Variants in CD200R1L observed in about 807,000 individuals in gnomAD.
CD200R1L encodes cell surface glycoprotein CD200 receptor 2.
A neutral mutation model predicts 24.8 loss-of-function variants in CD200R1L; 14 were observed. That is an observed-to-expected ratio of 0.56 (90% CI 0.37 to 0.88). The LOEUF (loss-of-function observed/expected upper bound fraction) is 0.88. Among genes scored for constraint, CD200R1L ranks in the 40% least tolerant of loss-of-function variants. The pLI is 0.00. For missense variants in CD200R1L, 299 were observed against 297.8 expected (o/e 1.00, Z -0.03); for synonymous variants, 111 against 109.2 (o/e 1.02, Z -0.11).
At chr3:112,834,577 T>C (rs1209485867) in intron 3 of CD200R1L, among the ~76,000 whole-genome samples, 1 of 152,174 alleles carries the variant, frequency 6.6e-6, no homozygotes, top group African/African-American at 2.4e-5. Context: ...TGCTATGGGA[T>C]CTTTGGGATG....
At chr3:112,839,879 T>C (rs958231933) in intron 2 of CD200R1L, among the ~76,000 whole-genome samples, 1 of 152,162 alleles carries the variant, frequency 6.6e-6, no homozygotes, top group Admixed American at 6.5e-5. Context: ...AAAAGACACT[T>C]TCTATTCTCC....
rs781616615 is a variant in CD200R1L, at chr3:112,827,214, C to T, written c.395G>A (p.Ser132Asn). 5 of 1,612,444 alleles carry T rather than the reference C, an allele frequency of 3.1e-6. No individual in the cohort carries two copies. In the East Asian group the frequency reaches 1.1e-4, roughly 36 times the overall value. ...LVTPEVNLFQ[S>N]RNITAVCKAV... is the part of the protein sequence containing the mutation. ...CTTGCATACTGCAGTTATATTCCTG[C>T]TTTGAAATAGGTTCACTTCGGGTGT... The change falls in exon 6 of 8, where the codon AGC becomes AAC. Residue 132 changes from serine (S) to asparagine (N), a missense_variant. By Grantham distance (46) the Ser-to-Asn change is conservative. Transcript: ENST00000488794.
At chr3:112,830,797 G>A (rs923121635) in intron 3 of CD200R1L, among the ~76,000 whole-genome samples, 18 of 151,902 alleles carry the variant, frequency 1.2e-4, no homozygotes, top group Non-Finnish European at 2.4e-4. Flanking sequence ...CACCCTGGAT[G>A]TAAAAAAGTG....
chr3:112,827,407 A>G lies in CD200R1L; in HGVS notation c.327T>C (p.Pro109=), dbSNP rs973487014. Reference sequence around the variant, plus strand: ...GATATCCACGATGGAAATTCCCATCAGGTGTTACCACTATGCCTCTGTAAT... The same window carrying G: ...GATATCCACGATGGAAATTCCCATCGGGTGTTACCACTATGCCTCTGTAAT... ...DGYYRGIVVT[P]DGNFHRGYHL... Residue 109 remains proline, a synonymous_variant, in exon 5 of 8, where the codon CCT becomes CCC. Coordinates refer to ENST00000488794, the MANE Select transcript of CD200R1L (RefSeq NM_001199215.3). 2 of 1,614,024 alleles carry G rather than the reference A, an allele frequency of 1.2e-6. No individual in the cohort carries two copies. Among genetic ancestry groups the G allele is most frequent in the African/African-American group, 2.7e-5 (2 of 74,938 alleles).
chr3:112,841,317 GCCT>G (rs1222647816), intron 2 of CD200R1L: 4 of 446,870 alleles, frequency 9.0e-6, no homozygotes, highest in African/African-American at 8.0e-5. Flanking sequence ...GTTTTTTGAG[GCCT>G]CCTCAGCCAT....
At chr3:112,820,576 A>C (rs1433052546) in intron 6 of CD200R1L, among the ~76,000 whole-genome samples, 5 of 151,940 alleles carry the variant, frequency 3.3e-5, no homozygotes, top group African/African-American at 4.8e-5. Context: ...GATTACAGGC[A>C]TGCACCACCA....
At position 112,815,716 on chromosome 3, in the gene CD200R1L, T is replaced by C. The variant is rs1448739785; in HGVS notation, c.*247A>G. On this transcript the variant is annotated 3_prime_UTR_variant, in exon 8 of 8. Coordinates refer to ENST00000488794, the MANE Select transcript of CD200R1L (RefSeq NM_001199215.3). ...AGTAAAACCAAAAATAACACTGGCA[T>C]GAACAAAATTTTATTCACTCTAACA... 2.1e-6 allele frequency: 1 copy of C among 467,416 alleles called. No homozygotes were observed. The highest frequency in any genetic ancestry group is 3.3e-5 in the East Asian group (1 of 30,320). The allele number at this position is 467,416 out of a possible 1,614,324, so 29.0% of individuals were successfully genotyped here.
chr3:112,836,959 T>G (rs1189920370), intron 3 of CD200R1L, among the ~76,000 whole-genome samples: 1 of 152,230 alleles, frequency 6.6e-6, no homozygotes, highest in Non-Finnish European at 1.5e-5. Flanking sequence ...ACATAAAAAT[T>G]ATCTGTTCCT....
chr3:112,843,304 A>G (rs1001696407), intron 2 of CD200R1L, among the ~76,000 whole-genome samples: 2 of 152,192 alleles, frequency 1.3e-5, no homozygotes, highest in Non-Finnish European at 2.9e-5. Flanking sequence ...AAAATCTTAA[A>G]AACAGCTGGA....
intron 3 of CD200R1L, among the ~76,000 whole-genome samples, chr3:112,835,014 T>C (rs1318527926): frequency 6.6e-6 from 1 of 152,194 alleles, no homozygotes; most frequent in Non-Finnish European, 1.5e-5. Flanking sequence ...GCCACAGCTC[T>C]TCTCTCCTTC....
chr3:112,846,202 C>T lies in CD200R1L; in HGVS notation c.-358-252G>A, dbSNP rs548569226. 2.0e-5 allele frequency among the ~76,000 whole-genome samples: 3 copies of T among 152,208 alleles called. No homozygotes were observed. The South Asian group carries it at 6.2e-4, about 32-fold the overall frequency. On this transcript the variant is annotated intron_variant, in intron 1 of 7. Coordinates refer to ENST00000488794, the MANE Select transcript of CD200R1L (RefSeq NM_001199215.3). ...AAAGTGTCCTTTGTTCCAAAGTGTC[C>T]TTTGTTCCTTCTCTGCTGATATCAT...
chr3:112,826,887 A>G, intron 6 of CD200R1L, 106 bp downstream of exon 6: 2 of 1,293,110 alleles, frequency 1.5e-6, no homozygotes, highest in Admixed American at 2.4e-5. Context: ...AATATTTTCA[A>G]GCTAGGAGCT....
At chr3:112,826,842 A>G (rs1347787643) in intron 6 of CD200R1L, 151 bp downstream of exon 6, 1 of 852,164 alleles carries the variant, frequency 1.2e-6, no homozygotes, top group Non-Finnish European at 1.7e-6. Context: ...TAAAAGACAG[A>G]TTCTAGCGTT....
intron 6 of CD200R1L, among the ~76,000 whole-genome samples, chr3:112,825,624 T>C (rs1938639409): frequency 6.6e-6 from 1 of 151,924 alleles, no homozygotes; most frequent in South Asian, 2.1e-4. Context: ...GCTCCTCTTT[T>C]AAAAAAATTC....
At chr3:112,838,442 C>G (rs1939007869) in intron 2 of CD200R1L, among the ~76,000 whole-genome samples, 1 of 150,122 alleles carries the variant, frequency 6.7e-6, no homozygotes, top group Non-Finnish European at 1.5e-5. Context: ...AGAACAATGC[C>G]TGTTTCAAAT....
In CD200R1L at chr3:112,827,361, C is replaced by G. The variant is rs919330203; in HGVS notation, c.367+6G>C. 3.2e-5 allele frequency: 52 copies of G among 1,611,410 alleles called. No individual in the cohort carries two copies. Among genetic ancestry groups the G allele is most frequent in the Non-Finnish European group, 4.2e-5 (49 of 1,178,676 alleles). ...GTGAAATACCTCAGTATGTGATGCT[C>G]CTTACCTAACACTTGGAGGTGATAT... On this transcript the variant is annotated splice_donor_region_variant and intron_variant, in intron 5 of 7. Transcript: ENST00000488794.
intron 2 of CD200R1L, among the ~76,000 whole-genome samples, chr3:112,844,066 A>C (rs1053007049): frequency 2.0e-5 from 3 of 152,248 alleles, no homozygotes; most frequent in African/African-American, 7.2e-5. Context: ...AAGTATTTCT[A>C]ATCCTGTGGA....
intron 6 of CD200R1L, among the ~76,000 whole-genome samples, chr3:112,823,317 A>G (rs1938583724): frequency 6.6e-6 from 1 of 152,208 alleles, no homozygotes; most frequent in South Asian, 2.1e-4. Flanking sequence ...ATTCTAGCAA[A>G]TTATTAAACC....
At chr3:112,841,968 T>C (rs1939093061) in intron 2 of CD200R1L, among the ~76,000 whole-genome samples, 1 of 152,202 alleles carries the variant, frequency 6.6e-6, no homozygotes, top group Admixed American at 6.5e-5. Context: ...GCATAGTAGT[T>C]GGGCATCCCT....
Sources: gnomAD v4.1 joint callset for allele counts (sites outside exome capture counted in the v4.1 genomes callset) on GRCh38, gnomAD v4.1.1 for gene constraint, MANE v1.5 for transcripts, NCBI Gene and HGNC (gene_info 2026-07-23, HGNC 2026-07-21) for gene names.